Variants in KYNU observed in about 807,000 individuals in gnomAD.
KYNU encodes L-kynurenine hydrolase.
Under a neutral mutation model 59.2 loss-of-function variants are expected in KYNU, and 54 were observed. The observed-to-expected ratio is 0.91, with a 90% CI of 0.73 to 1.14. The LOEUF (loss-of-function observed/expected upper bound fraction) is 1.14, where lower values mean the gene tolerates loss of function less well. KYNU is among the 50% of genes most tolerant of loss of function. The pLI, the probability that KYNU is intolerant of heterozygous loss-of-function variation, is 0.00. For synonymous variants in KYNU, 177 were observed against 192.0 expected (o/e 0.92, Z 0.65); for missense variants, 567 against 554.4 (o/e 1.02, Z -0.23).
At chr2:142,901,478 C>A (rs573752462) in intron 2 of KYNU, among the ~76,000 whole-genome samples, 1 of 151,918 alleles carries the variant, frequency 6.6e-6, no homozygotes, top group African/African-American at 2.4e-5. Flanking sequence ...TGGCAGTTTC[C>A]TTCTATTTTT....
In KYNU at chr2:142,914,952, G is replaced by A. The variant is rs531800142; in HGVS notation, c.170-3657G>A. 3.2e-3 allele frequency among the ~76,000 whole-genome samples: 492 copies of A among 152,220 alleles called. 3 individuals are homozygous for A. The highest frequency in any genetic ancestry group is 4.6e-3 in the Non-Finnish European group (313 of 68,008). On this transcript the variant is annotated intron_variant, in intron 2 of 13. Transcript: ENST00000264170. ...AGCTTGCCTGCAGGCTCTAAGAGCCGGGGCTTTCCTGTTAGACAAGAAACA... is the reference window on the plus strand; with the variant it reads ...AGCTTGCCTGCAGGCTCTAAGAGCCAGGGCTTTCCTGTTAGACAAGAAACA...
intron 4 of KYNU, among the ~76,000 whole-genome samples, chr2:142,946,038 C>A (rs948798561): frequency 3.3e-5 from 5 of 151,772 alleles, no homozygotes; most frequent in African/African-American, 1.2e-4. Flanking sequence ...CCACACCTGG[C>A]CTTTTTTCCA....
intron 10 of KYNU, among the ~76,000 whole-genome samples, chr2:143,007,262 A>G (rs1311360826): frequency 6.7e-6 from 1 of 149,762 alleles, no homozygotes; most frequent in East Asian, 1.9e-4. Context: ...TGAAGAATGC[A>G]GAAGCCTCAG....
intron 11 of KYNU, among the ~76,000 whole-genome samples, chr2:143,032,987 T>C (rs1175131995): frequency 6.6e-6 from 1 of 151,974 alleles, no homozygotes; most frequent in African/African-American, 2.4e-5. Context: ...CCAGAAGAGG[T>C]CATTTTTACC....
chr2:143,039,867 A>G (rs1380926900), intron 12 of KYNU, among the ~76,000 whole-genome samples: 1 of 152,080 alleles, frequency 6.6e-6, no homozygotes, highest in African/African-American at 2.4e-5. Flanking sequence ...AAGTTTGAGG[A>G]GTTCCTTTAG....
At chr2:142,911,122 G>T (rs889466232) in intron 2 of KYNU, among the ~76,000 whole-genome samples, 1 of 152,124 alleles carries the variant, frequency 6.6e-6, no homozygotes, top group African/African-American at 2.4e-5. Flanking sequence ...AGTTTGATAG[G>T]AATAGCTTTG....
Position 143,002,916 on chromosome 2 carries a change from A to G in KYNU, c.902+16895A>G, listed in dbSNP as rs558388710. 3.3e-5 allele frequency among the ~76,000 whole-genome samples: 5 copies of G among 152,338 alleles called. No individual in the cohort carries two copies. The South Asian group carries it at 1.0e-3, about 32-fold the overall frequency. On this transcript the variant is annotated intron_variant, in intron 10 of 13. Transcript: ENST00000264170. ...AGCATTTCTTCTTTTCAAAAAATAA[A>G]ACATAAAATAATAGTCAATGGCCCT...
chr2:142,967,274 A>G (rs1454916015), intron 8 of KYNU: 2 of 152,124 alleles, frequency 1.3e-5, no homozygotes, highest in East Asian at 1.9e-4. Context: ...TACACATTTT[A>G]GTGTACCTAA....
chr2:142,994,946 T>C (rs939155951), intron 10 of KYNU, among the ~76,000 whole-genome samples: 1 of 152,084 alleles, frequency 6.6e-6, no homozygotes, highest in Non-Finnish European at 1.5e-5. Flanking sequence ...AGACCAAATA[T>C]ATCCATGAAA....
In KYNU at chr2:143,042,207, T is replaced by C; in HGVS notation, c.*35T>C. On this transcript the variant is annotated 3_prime_UTR_variant, in exon 14 of 14. Transcript: ENST00000264170. ...CTAGAACAACTTAAGCAAATTATACTGAAAGCTGCTGTGGTTATTTCAGTA... is the reference window on the plus strand; with the variant it reads ...CTAGAACAACTTAAGCAAATTATACCGAAAGCTGCTGTGGTTATTTCAGTA... 2 of 1,595,574 alleles carry C rather than the reference T, an allele frequency of 1.3e-6. No individual in the cohort carries two copies. The highest frequency in any genetic ancestry group is 1.7e-6 in the Non-Finnish European group (2 of 1,169,416).
chr2:143,040,708 A>G (rs755258067), intron 13 of KYNU, 50 bp downstream of exon 13: 2 of 1,219,092 alleles, frequency 1.6e-6, no homozygotes, highest in Non-Finnish European at 2.3e-6. Context: ...GCCGCATGTT[A>G]GGGATAAAAT....
At chr2:142,890,198 T>G (rs1165909598) in intron 2 of KYNU, among the ~76,000 whole-genome samples, 1 of 151,400 alleles carries the variant, frequency 6.6e-6, no homozygotes, top group Non-Finnish European at 1.5e-5. Flanking sequence ...AAGAAAGAAA[T>G]AAAAAGAAAA....
chr2:142,956,096 T>C, intron 5 of KYNU, 107 bp from the exon 6 acceptor site: 1 of 658,496 alleles, frequency 1.5e-6, no homozygotes, highest in Non-Finnish European at 2.7e-6. Context: ...GTTGAGTTAA[T>C]TAATGTCTTT....
At chr2:143,027,954 A>T (rs1173299661) in intron 10 of KYNU, among the ~76,000 whole-genome samples, 1 of 152,030 alleles carries the variant, frequency 6.6e-6, no homozygotes, top group Non-Finnish European at 1.5e-5. Context: ...AGCATATAAG[A>T]TACTATTACA....
rs551244088 is a variant in KYNU, at chr2:142,947,877, G to C, written c.374-6933G>C. On this transcript the variant is annotated intron_variant, in intron 4 of 13. Coordinates refer to ENST00000264170, the MANE Select transcript of KYNU (RefSeq NM_003937.3). ...GTATAGCTATAGGCTGAAAAAAGCA[G>C]GGTTCAGTTTGCTGCTGTCATGATG... is the stretch of plus-strand genomic sequence containing the variant. The C allele has an allele frequency of 5.3e-5, 8 of 152,310 alleles. No homozygotes were observed. The East Asian group carries it at 1.5e-3, about 29-fold the overall frequency. The allele number at this position is 152,310 out of a possible 1,614,324, so 9.4% of individuals were successfully genotyped here. A position where few individuals can be genotyped will look rare whatever the true frequency, so the allele number is the denominator to read the frequency against.
At chr2:143,030,364 A>C (rs1297802386) in intron 11 of KYNU, among the ~76,000 whole-genome samples, 2 of 152,230 alleles carry the variant, frequency 1.3e-5, no homozygotes, top group Non-Finnish European at 2.9e-5. Flanking sequence ...TTTCTCAATC[A>C]CATGGGATGC....
At chr2:142,933,672 AAAAG>A (rs1300905246) in intron 4 of KYNU, among the ~76,000 whole-genome samples, 1 of 152,130 alleles carries the variant, frequency 6.6e-6, no homozygotes, top group African/African-American at 2.4e-5. Flanking sequence ...CAAGAAGTTT[AAAAG>A]AGAGAGATAG....
chr2:143,037,048 G>A (rs1380686036), intron 12 of KYNU, among the ~76,000 whole-genome samples: 2 of 152,072 alleles, frequency 1.3e-5, no homozygotes, highest in African/African-American at 2.4e-5. Flanking sequence ...TGTGTATATG[G>A]TTGATTGATA....
At chr2:142,938,469 G>T (rs903554576) in intron 4 of KYNU, among the ~76,000 whole-genome samples, 2 of 152,208 alleles carry the variant, frequency 1.3e-5, no homozygotes, top group African/African-American at 4.8e-5. Flanking sequence ...GAAACAGCCA[G>T]GTTGTTTACA....
Sources: allele counts gnomAD v4.1 joint callset (sites outside exome capture counted in the v4.1 genomes callset), GRCh38; gene constraint gnomAD v4.1.1; transcripts MANE v1.5; gene names NCBI Gene and HGNC (gene_info 2026-07-23, HGNC 2026-07-21).